URB1: variants seen among roughly 807,000 people sequenced by gnomAD.
URB1 encodes nucleolar pre-ribosomal-associated protein 1.
A neutral mutation model predicts 242.3 loss-of-function variants in URB1; 197 were observed. The ratio of observed to expected loss-of-function variants is 0.81; its 90% CI spans 0.72 to 0.91. The LOEUF (loss-of-function observed/expected upper bound fraction) is 0.91, where lower values mean the gene tolerates loss of function less well. Ranked by LOEUF, URB1 falls within the 40% of genes least tolerant of loss-of-function variation. The pLI, the probability that URB1 is intolerant of heterozygous loss-of-function variation, is 0.00. For synonymous variants in URB1, 1,153 were observed against 1,201.8 expected (o/e 0.96, Z 0.84); for missense variants, 2,721 against 2,860.5 (o/e 0.95, Z 1.11).
At position 32,362,000 on chromosome 21, in the gene URB1, C is replaced by T. The variant is rs1402562931; in HGVS notation, c.1531G>A (p.Val511Ile). ...TTAAGTGACTGCCAGACCCACACGA[C>T]AGTGTTCAGGTCTGGCAAAATCTAA... ...LSKILPDLNT[V>I]VWVWQSLKKQ... The change falls in exon 12 of 39, where the codon GTC becomes ATC. Residue 511 changes from valine to isoleucine, a missense_variant. Val to Ile is a conservative substitution (Grantham distance 29, BLOSUM62 3). Transcript: ENST00000382751. 1.3e-6 allele frequency: 2 copies of T among 1,551,490 alleles called. No individual in the cohort carries two copies. The highest frequency in any genetic ancestry group is 1.4e-5 in the African/African-American group (1 of 73,040).
Position 32,320,622 on chromosome 21 carries a change from G to GA in URB1, c.5502dup (p.Leu1835SerfsTer13). On this transcript the variant is annotated frameshift_variant, in exon 35 of 39. Coordinates refer to ENST00000382751, the MANE Select transcript of URB1 (RefSeq NM_014825.3). LOFTEE classifies it high-confidence loss of function. ...CTGGCAACCTGGGCAGCATTCTGTAGAATTTCCAGAATCCAATTCTGAAAA... is the reference window on the plus strand; with the variant it reads ...CTGGCAACCTGGGCAGCATTCTGTAGAAATTTCCAGAATCCAATTCTGAAAA... The GA allele has an allele frequency of 6.4e-7, 1 of 1,551,500 alleles. No homozygotes were observed. The highest frequency in any genetic ancestry group is 8.7e-7 in the Non-Finnish European group (1 of 1,146,850).
chr21:32,334,066 A>G (rs2032926556), intron 29 of URB1, 97 bp downstream of exon 29: 2 of 1,370,620 alleles, frequency 1.5e-6, no homozygotes, highest in African/African-American at 1.5e-5. Context: ...TACTTAATAA[A>G]AAGGTAAATA....
At chr21:32,349,249 G>C in intron 21 of URB1, 55 bp downstream of exon 21, 1 of 1,449,644 alleles carries the variant, frequency 6.9e-7, no homozygotes, top group Non-Finnish European at 9.1e-7. Context: ...GAAGTGAAGA[G>C]AAAGCCACTG....
In URB1 at chr21:32,319,366, T is replaced by C. The variant is rs752629672; in HGVS notation, c.5643A>G (p.Thr1881=). ...LLSNVISLLH[T]LWVTNLGDKA... is the part of the protein sequence containing the mutation. ...TGTCCCCCAGGTTGGTCACCCACAG[T>C]GTGTGTAGCAAGGAGATCACATTAG... is the stretch of plus-strand genomic sequence containing the variant. The change falls in exon 36 of 39, where the codon ACA becomes ACG. Residue 1881 remains threonine (T), a synonymous_variant. Transcript: ENST00000382751. The C allele has an allele frequency of 2.6e-6, 4 of 1,550,044 alleles. No homozygotes were observed. In the East Asian group the frequency reaches 9.8e-5, roughly 38 times the overall value.
chr21:32,322,330 C>A (rs2032777085), intron 33 of URB1, 148 bp downstream of exon 33: 3 of 717,610 alleles, frequency 4.2e-6, no homozygotes, highest in African/African-American at 1.8e-5. Context: ...CGGAGACATT[C>A]CGAAGTGCAG....
At chr21:32,366,462 C>T (rs192846940) in intron 10 of URB1, among the ~76,000 whole-genome samples, 156 bp downstream of exon 10, 1 of 152,176 alleles carries the variant, frequency 6.6e-6, no homozygotes, top group Non-Finnish European at 1.5e-5. Context: ...CACTTATGGG[C>T]TATTTCAAAC....
chr21:32,363,594 G>T (rs1195015171), intron 10 of URB1, among the ~76,000 whole-genome samples: 1 of 152,144 alleles, frequency 6.6e-6, no homozygotes, highest in Non-Finnish European at 1.5e-5. Context: ...TCTTTGGTAA[G>T]CCTTGAGACA....
chr21:32,378,221 G>A (rs1392777837), intron 5 of URB1, among the ~76,000 whole-genome samples: 3 of 152,164 alleles, frequency 2.0e-5, no homozygotes, highest in African/African-American at 7.2e-5. Flanking sequence ...CAGCATTCCA[G>A]ACGGCATAAC....
At chr21:32,335,031 T>C (rs1490070570) in intron 28 of URB1, among the ~76,000 whole-genome samples, 1 of 152,102 alleles carries the variant, frequency 6.6e-6, no homozygotes, top group Non-Finnish European at 1.5e-5. Context: ...GCCCCGCTGC[T>C]GCCAGGCCGC....
rs1390643926 is a variant in URB1, at chr21:32,359,782, G to A, written c.1869+14C>T. On this transcript the variant is annotated intron_variant, in intron 14 of 38. Coordinates refer to ENST00000382751, the MANE Select transcript of URB1 (RefSeq NM_014825.3). ...GTAAGCTTAGGGCAGAAGACTGGGAGTTCTGCTTCCTACCTGTGCCTTTAA... is the reference window on the plus strand; with the variant it reads ...GTAAGCTTAGGGCAGAAGACTGGGAATTCTGCTTCCTACCTGTGCCTTTAA... 1 of 1,532,902 alleles carries A rather than the reference G, an allele frequency of 6.5e-7. No homozygotes were observed. Among genetic ancestry groups the A allele is most frequent in the East Asian group, 2.5e-5 (1 of 40,582 alleles). 95.0% of individuals were successfully genotyped at this position (1,532,902 alleles called of 1,614,324 possible). A position where few individuals can be genotyped will look rare whatever the true frequency, so the allele number is the denominator to read the frequency against.
chr21:32,329,401 T>C (rs1408773531), intron 30 of URB1, among the ~76,000 whole-genome samples: 3 of 152,182 alleles, frequency 2.0e-5, no homozygotes, highest in African/African-American at 7.2e-5. Context: ...CTCATCACAG[T>C]GAGAAGAGTC....
chr21:32,316,438 C>T, intron 38 of URB1, 28 bp downstream of exon 38: 1 of 1,468,476 alleles, frequency 6.8e-7, no homozygotes, highest in Non-Finnish European at 9.0e-7. Flanking sequence ...TCTATTTCTT[C>T]AGCCTCCAAC....
chr21:32,316,425 G>C, intron 38 of URB1, 41 bp downstream of exon 38: 4 of 1,463,328 alleles, frequency 2.7e-6, no homozygotes, highest in African/African-American at 1.4e-5. Flanking sequence ...GCCCACTTCT[G>C]CATCTATTTC....
Position 32,386,254 on chromosome 21 carries a change from G to C in URB1, c.143-570C>G, listed in dbSNP as rs1302772888. ...ACTCAGGTTAAGTGAGTTCATGAGG[G>C]TGAGGTCCTGATCTAACAGGACTGG... On this transcript the variant is annotated intron_variant, in intron 1 of 38. Transcript: ENST00000382751. 2.0e-5 allele frequency among the ~76,000 whole-genome samples: 3 copies of C among 152,146 alleles called. No individual in the cohort carries two copies. The East Asian group carries it at 5.8e-4, about 29-fold the overall frequency.
chr21:32,379,805 C>A (rs1025124559), intron 4 of URB1, among the ~76,000 whole-genome samples: 5 of 152,228 alleles, frequency 3.3e-5, no homozygotes, highest in African/African-American at 1.2e-4. Flanking sequence ...ACCCGGCCAA[C>A]ATGGTGAAAC....
At chr21:32,376,506 C>T (rs1035424611) in intron 5 of URB1, among the ~76,000 whole-genome samples, 1 of 152,130 alleles carries the variant, frequency 6.6e-6, no homozygotes, top group Non-Finnish European at 1.5e-5. Context: ...CTGTTAACAT[C>T]ATCTGAGTTA....
intron 24 of URB1, among the ~76,000 whole-genome samples, chr21:32,343,861 T>A (rs2033056691): frequency 6.6e-6 from 1 of 150,556 alleles, no homozygotes. Context: ...TGTATCATTA[T>A]CAAACTGCTT....
At chr21:32,346,155 T>G (rs550610080) in intron 22 of URB1, among the ~76,000 whole-genome samples, 68 of 152,288 alleles carry the variant, frequency 4.5e-4, no homozygotes, top group African/African-American at 1.6e-3. Flanking sequence ...TTGCTTCCCC[T>G]CTGGCCGTGT....
intron 36 of URB1, among the ~76,000 whole-genome samples, chr21:32,318,890 G>A (rs1001393855): frequency 3.3e-5 from 5 of 152,116 alleles, no homozygotes; most frequent in Non-Finnish European, 7.4e-5. Flanking sequence ...TGATTCAAGT[G>A]TTTGAATCAC....
Sources: gnomAD v4.1 joint callset for allele counts (sites outside exome capture counted in the v4.1 genomes callset) on GRCh38, gnomAD v4.1.1 for gene constraint, MANE v1.5 for transcripts, NCBI Gene and HGNC (gene_info 2026-07-23, HGNC 2026-07-21) for gene names.